The following SAMD11 variants were observed in gnomAD, a reference collection of about 807,000 sequenced individuals.
SAMD11 encodes the protein sterile alpha motif domain containing 11.
Under a neutral mutation model 64.4 loss-of-function variants are expected in SAMD11, and 77 were observed. That is an observed-to-expected ratio of 1.20 (90% CI 0.99 to 1.44). SAMD11 has a LOEUF of 1.44. Among genes scored for constraint, SAMD11 ranks in the 40% most tolerant of loss-of-function variants. SAMD11 has a pLI of 0.00. For missense variants in SAMD11, 1,402 were observed against 943.3 expected (o/e 1.49, Z -6.37); for synonymous variants, 658 against 421.9 (o/e 1.56, Z -6.86).
chr1:940,620 C>G (rs1641706375), intron 7 of SAMD11, among the ~76,000 whole-genome samples: 2 of 152,142 alleles, frequency 1.3e-5, no homozygotes, highest in South Asian at 4.1e-4. Context: ...GCGAGTGTGG[C>G]CACGCGGGAC....
chr1:944,010 GGA>G lies in SAMD11; in HGVS notation c.2396_2397del (p.Glu799AlafsTer104), dbSNP rs764300897. Reference sequence around the variant, plus strand: ...GGCCCCGGAGCGAGAACTCGGCACAGGAGAGCAGCCCTTGTCCCCCACGACGG... The same window carrying G: ...GGCCCCGGAGCGAGAACTCGGCACAGGAGCAGCCCTTGTCCCCCACGACGG... ...LRAPERELGT[G>X]EQPLSPTTAT... On this transcript the variant is annotated frameshift_variant, in exon 14 of 14. Coordinates refer to ENST00000616016, the MANE Select transcript of SAMD11 (RefSeq NM_001385641.1). LOFTEE classifies it low-confidence loss of function (END_TRUNC). The G allele has an allele frequency of 1.2e-6, 2 of 1,612,926 alleles. No individual in the cohort carries two copies. Among genetic ancestry groups the G allele is most frequent in the South Asian group, 2.2e-5 (2 of 91,086 alleles).
intron 2 of SAMD11, among the ~76,000 whole-genome samples, chr1:929,499 C>T (rs887660687): frequency 3.3e-5 from 5 of 152,172 alleles, no homozygotes; most frequent in Non-Finnish European, 5.9e-5. Context: ...GCCCCTGAGC[C>T]GGGCTGTGCG....
intron 5 of SAMD11, among the ~76,000 whole-genome samples, chr1:938,653 C>T (rs1031719467): frequency 1.3e-5 from 2 of 152,184 alleles, no homozygotes; most frequent in East Asian, 1.9e-4. Flanking sequence ...CTGCACAGCC[C>T]GCCCTCACTC....
intron 6 of SAMD11, 65 bp from the exon 7 acceptor site, chr1:939,210 C>T: frequency 6.4e-7 from 1 of 1,552,144 alleles, no homozygotes; most frequent in Non-Finnish European, 8.7e-7. Context: ...CGAGCAGGCA[C>T]TCTAGAGGGG....
intron 3 of SAMD11, among the ~76,000 whole-genome samples, chr1:930,687 G>A (rs568994362): frequency 2.6e-5 from 4 of 152,360 alleles, no homozygotes; most frequent in African/African-American, 9.6e-5. Flanking sequence ...ATTCAGGCTC[G>A]TGACTGGCTG....
At chr1:943,166 C>A (rs1484337121) in intron 11 of SAMD11, 87 bp from the exon 12 acceptor site, 2 of 1,597,840 alleles carry the variant, frequency 1.3e-6, no homozygotes, top group Non-Finnish European at 1.7e-6. Flanking sequence ...CCATCCCCCA[C>A]CTCAGCAATT....
chr1:942,441 G>C lies in SAMD11; in HGVS notation c.1506G>C (p.Glu502Asp), dbSNP rs1173150822. 1.3e-6 allele frequency: 2 copies of C among 1,488,432 alleles called. No homozygotes were observed. The highest frequency in any genetic ancestry group is 1.5e-5 in the African/African-American group (1 of 68,938). 92.2% of individuals were successfully genotyped at this position (1,488,432 alleles called of 1,614,324 possible). A position where few individuals can be genotyped will look rare whatever the true frequency, so the allele number is the denominator to read the frequency against. Residue 502 changes from glutamate to aspartate, a missense_variant, in exon 10 of 14, where the codon GAG becomes GAC. Transcript: ENST00000616016. ...GYGFLPPAQA[E>D]MFAWQQELLR... ...GCTTCCTGCCCCCCGCGCAGGCGGA[G>C]ATGTTCGCCTGGCAGCAGGAGCTCC...
chr1:924,275 G>A lies in SAMD11; in HGVS notation c.-157G>A, dbSNP rs912994247. The A allele has an allele frequency of 4.0e-5, 6 of 149,816 alleles. No homozygotes were observed. Among genetic ancestry groups the A allele is most frequent in the Middle Eastern group, 3.2e-3 (1 of 314 alleles). The allele number at this position is 149,816 out of a possible 1,614,324, so 9.3% of individuals were successfully genotyped here. A position where few individuals can be genotyped will look rare whatever the true frequency, so the allele number is the denominator to read the frequency against. Reference sequence around the variant, plus strand: ...GGCAGTCCGGGGAGGCCTGGCGGGCGGCGCGTAGGCGGCGGCTGCGGGCGC... The same window carrying A: ...GGCAGTCCGGGGAGGCCTGGCGGGCAGCGCGTAGGCGGCGGCTGCGGGCGC... On this transcript the variant is annotated 5_prime_UTR_variant, in exon 1 of 14. Transcript: ENST00000616016.
At chr1:933,398 GCCA>G (rs1641260003) in intron 4 of SAMD11, among the ~76,000 whole-genome samples, 1 of 152,152 alleles carries the variant, frequency 6.6e-6, no homozygotes, top group Non-Finnish European at 1.5e-5. Context: ...CCCACCAGGT[GCCA>G]CTGCCCAGCC....
chr1:936,622 C>G (rs1253861344), intron 5 of SAMD11, among the ~76,000 whole-genome samples: 2 of 152,120 alleles, frequency 1.3e-5, no homozygotes, highest in Admixed American at 1.3e-4. Flanking sequence ...CGGGGGCGCC[C>G]CGAGGCCCTG....
chr1:937,533 A>G (rs916712353), intron 5 of SAMD11, among the ~76,000 whole-genome samples: 6 of 152,080 alleles, frequency 3.9e-5, no homozygotes, highest in African/African-American at 1.4e-4. Context: ...CCCTGAGGGC[A>G]TGTGCATGGT....
chr1:941,040 A>G, intron 7 of SAMD11, 104 bp from the exon 8 acceptor site: 2 of 1,082,128 alleles, frequency 1.8e-6, no homozygotes, highest in South Asian at 3.1e-5. Flanking sequence ...AGCACGGCCG[A>G]GTGGTGTGGT....
chr1:943,262 G>A lies in SAMD11; in HGVS notation c.2063G>A (p.Gly688Glu), dbSNP rs752630675. 1 of 1,612,924 alleles carries A rather than the reference G, an allele frequency of 6.2e-7. No individual in the cohort carries two copies. Among genetic ancestry groups the A allele is most frequent in the Non-Finnish European group, 8.5e-7 (1 of 1,179,882 alleles). The change falls in exon 12 of 14, where the codon GGG (glycine) becomes GAG (glutamate). Residue 688 changes from glycine to glutamate, a missense_variant. Coordinates refer to ENST00000616016, the MANE Select transcript of SAMD11 (RefSeq NM_001385641.1). Reference sequence around the variant, plus strand: ...ACGCCCCACAACTCAGGCGCGGTAGGGGGACTCTCCATGGATGGGGAGGAG... The same window carrying A: ...ACGCCCCACAACTCAGGCGCGGTAGAGGGACTCTCCATGGATGGGGAGGAG... ...VSPYFHTGAVGGLSMDGEEAP... is the reference protein window; with the variant it reads ...VSPYFHTGAVEGLSMDGEEAP...
At chr1:942,057 A>C (rs1481560750) in intron 8 of SAMD11, 79 bp from the exon 9 acceptor site, 5 of 455,044 alleles carry the variant, frequency 1.1e-5, no homozygotes, top group African/African-American at 1.0e-4. Context: ...CAATTAGCGG[A>C]GGCGGCGGGG....
intron 7 of SAMD11, 92 bp from the exon 8 acceptor site, chr1:941,052 A>G: frequency 2.5e-6 from 3 of 1,214,768 alleles, no homozygotes; most frequent in African/African-American, 1.5e-5. Context: ...TGGTGTGGTC[A>G]GTTCCCCACC....
At chr1:939,731 C>T (rs1315141651) in intron 7 of SAMD11, among the ~76,000 whole-genome samples, 2 of 152,154 alleles carry the variant, frequency 1.3e-5, no homozygotes, top group African/African-American at 4.8e-5. Flanking sequence ...GCAGCACCCC[C>T]CGAGGAGAGC....
chr1:936,202 G>A lies in SAMD11; in HGVS notation c.967+306G>A, dbSNP rs552908315. ...AGGTTCAGAAACGCACACCCTGGAG[G>A]AACGCACGCACTCCCGCAGCGCACG... On this transcript the variant is annotated intron_variant, in intron 5 of 13. Coordinates refer to ENST00000616016, the MANE Select transcript of SAMD11 (RefSeq NM_001385641.1). Among the ~76,000 whole-genome samples the A allele has an allele frequency of 1.5e-3, 223 of 152,294 alleles. 1 individual carries two copies. The highest frequency in any genetic ancestry group is 5.3e-3 in the Admixed American group (81 of 15,306).
chr1:939,552 G>A, intron 7 of SAMD11, 140 bp downstream of exon 7: 3 of 1,276,688 alleles, frequency 2.3e-6, no homozygotes, highest in Non-Finnish European at 3.2e-6. Context: ...CTGACACCAA[G>A]GCCAGGCTGG....
chr1:930,403 C>A, intron 3 of SAMD11, 67 bp downstream of exon 3: 1 of 1,488,094 alleles, frequency 6.7e-7, no homozygotes, highest in Non-Finnish European at 9.1e-7. Flanking sequence ...AGGCCTTCAG[C>A]TGCTCAGATG....
Sources: allele counts gnomAD v4.1 joint callset (sites outside exome capture counted in the v4.1 genomes callset), GRCh38; gene constraint gnomAD v4.1.1; transcripts MANE v1.5; gene names NCBI Gene and HGNC (gene_info 2026-07-23, HGNC 2026-07-21).